The following PRAG1 variants were observed in gnomAD, a reference collection of about 807,000 sequenced individuals.
PRAG1 encodes PEAK1 related, kinase-activating pseudokinase 1.
PRAG1 carries 110 observed loss-of-function variants against 95.6 expected under a neutral mutation model. That is an observed-to-expected ratio of 1.15 (90% CI 0.99 to 1.35). PRAG1 has a LOEUF of 1.35. PRAG1 is among the 40% of genes most tolerant of loss of function. The pLI, the probability that PRAG1 is intolerant of heterozygous loss-of-function variation, is 0.00. For synonymous variants in PRAG1, 1,052 were observed against 819.4 expected, an observed-to-expected ratio of 1.28 and a Z score of -4.85; for missense variants, 2,554 against 1,864.7, an observed-to-expected ratio of 1.37 and a Z score of -6.81.
rs762235600 is a variant in PRAG1 at position 8,376,303 on chromosome 8, G to C, written c.2106C>G (p.Pro702=). Residue 702 remains proline (P), a synonymous_variant, in exon 3 of 6, where the codon CCC becomes CCG. Transcript: ENST00000615670. ...SKSASFAFEF[P]KDRSGIETFS... ...ATGTCTCAATCCCACTTCTGTCCTT[G>C]GGGAACTCAAAGGCAAAAGAGGCGG... The C allele has an allele frequency of 6.2e-6, 10 of 1,614,186 alleles. No individual in the cohort carries two copies. The South Asian group carries it at 9.9e-5, about 16-fold the overall frequency.
In PRAG1 at chr8:8,318,768, C is replaced by T; in HGVS notation, c.3607G>A (p.Gly1203Arg). The T allele has an allele frequency of 3.8e-6, 6 of 1,564,244 alleles. No individual in the cohort carries two copies. Among genetic ancestry groups the T allele is most frequent in the Non-Finnish European group, 4.3e-6 (5 of 1,154,214 alleles). Residue 1203 changes from glycine (G) to arginine (R), a missense_variant, in exon 6 of 6, where the codon GGG (glycine) becomes AGG (arginine). Transcript: ENST00000615670. The surrounding 1 kb of genome is among the most constrained non-coding windows in gnomAD (Gnocchi z 4.2). ...CGGGGCAGCTGCTTCTCCCGGGGCCCTTCCGGGGAGGCGGGGCCGGCTGCG... is the reference window on the plus strand; with the variant it reads ...CGGGGCAGCTGCTTCTCCCGGGGCCTTTCCGGGGAGGCGGGGCCGGCTGCG... ...SPAAGPASPEGPREKQLPRLI... is the reference protein window; with the variant it reads ...SPAAGPASPERPREKQLPRLI...
chr8:8,325,421 T>G (rs1798604555), intron 5 of PRAG1, among the ~76,000 whole-genome samples: 1 of 152,218 alleles, frequency 6.6e-6, no homozygotes, highest in Non-Finnish European at 1.5e-5. Context: ...GGCTCCTGTT[T>G]AGAGGGCTAA....
In PRAG1 at chr8:8,377,456, G is replaced by T. The variant is rs1259565338; in HGVS notation, c.953C>A (p.Ala318Asp). The T allele has an allele frequency of 1.3e-6, 2 of 1,551,772 alleles. No individual in the cohort carries two copies. Among genetic ancestry groups the T allele is most frequent in the South Asian group, 2.5e-5 (2 of 80,192 alleles). ...CTTGGGGCCCAGGCAGGATGGGTGG[G>T]CAGTGGGGCCCTGGCTACAGCACTC... ...PKECCSQGPT[A>D]HPSCLGPKKL... The change falls in exon 3 of 6, where the codon GCC (alanine) becomes GAC (aspartate). Residue 318 changes from alanine (A) to aspartate (D), a missense_variant. Physicochemically the swap from Ala to Asp is moderately radical, Grantham distance 126. Transcript: ENST00000615670.
chr8:8,344,299 A>C (rs1489161312), intron 3 of PRAG1, among the ~76,000 whole-genome samples: 2 of 152,258 alleles, frequency 1.3e-5, no homozygotes, highest in Non-Finnish European at 2.9e-5. Context: ...GCAGTAGAAA[A>C]AAATGAACTG....
chr8:8,352,755 T>A (rs2116871065), intron 3 of PRAG1, among the ~76,000 whole-genome samples: 1 of 152,356 alleles, frequency 6.6e-6, no homozygotes, highest in East Asian at 1.9e-4. Context: ...ATATTTGGTA[T>A]ACCTGTATGT....
chr8:8,359,131 T>TA (rs894073311), intron 3 of PRAG1, among the ~76,000 whole-genome samples: 1 of 152,332 alleles, frequency 6.6e-6, no homozygotes, highest in African/African-American at 2.4e-5. Context: ...TATTCCTTAA[T>TA]AAAAAAGGTA....
Position 8,319,200 on chromosome 8 carries a change from G to A in PRAG1, c.3175C>T (p.Pro1059Ser), listed in dbSNP as rs1314092693. 2 of 1,591,386 alleles carry A rather than the reference G, an allele frequency of 1.3e-6. No homozygotes were observed. The highest frequency in any genetic ancestry group is 1.3e-5 in the African/African-American group (1 of 74,514). Residue 1059 changes from proline to serine, a missense_variant, in exon 6 of 6, where the codon CCG (proline) becomes TCG (serine). Transcript: ENST00000615670. Reference sequence around the variant, plus strand: ...TCGGGGGAGCTGAGCATGCTGGACGGCACCGAGGCGACGAAGTGGCCGCAG... The same window carrying A: ...TCGGGGGAGCTGAGCATGCTGGACGACACCGAGGCGACGAAGTGGCCGCAG... The part of the protein sequence containing the change: ...QDCGHFVASV[P>S]SSMLSSPDAP...
chr8:8,345,146 C>T (rs1021909403), intron 3 of PRAG1, among the ~76,000 whole-genome samples: 1 of 147,554 alleles, frequency 6.8e-6, no homozygotes, highest in Non-Finnish European at 1.5e-5. Context: ...AGTTTCTAAG[C>T]CACAAGTGGA....
intron 5 of PRAG1, among the ~76,000 whole-genome samples, chr8:8,324,561 C>A (rs573941291): frequency 6.6e-6 from 1 of 152,148 alleles, no homozygotes; most frequent in Admixed American, 6.5e-5. Flanking sequence ...TCTCCATCTC[C>A]ATCTCCCTAC....
chr8:8,355,304 A>G (rs1799647893), intron 3 of PRAG1, among the ~76,000 whole-genome samples: 1 of 152,194 alleles, frequency 6.6e-6, no homozygotes. Flanking sequence ...TTCATGGATC[A>G]GAAGAATTAA....
At chr8:8,334,262 C>A (rs967377358) in intron 4 of PRAG1, among the ~76,000 whole-genome samples, 1 of 151,950 alleles carries the variant, frequency 6.6e-6, no homozygotes, top group South Asian at 2.1e-4. Flanking sequence ...CATGGTGAAA[C>A]CCTGTCTCTA....
chr8:8,372,492 G>T (rs1420347902), intron 3 of PRAG1, among the ~76,000 whole-genome samples: 1 of 152,240 alleles, frequency 6.6e-6, no homozygotes, highest in Non-Finnish European at 1.5e-5. Context: ...CTTAGTAAGT[G>T]TGACTTTGTG....
At chr8:8,373,582 T>C (rs967368443) in intron 3 of PRAG1, among the ~76,000 whole-genome samples, 1 of 151,866 alleles carries the variant, frequency 6.6e-6, no homozygotes, top group Non-Finnish European at 1.5e-5. Flanking sequence ...CCAGAGAAGC[T>C]GGGATGACAG....
At chr8:8,346,006 G>A (rs1329856356) in intron 3 of PRAG1, among the ~76,000 whole-genome samples, 2 of 152,136 alleles carry the variant, frequency 1.3e-5, no homozygotes, top group African/African-American at 4.8e-5. Context: ...TCTTTACACT[G>A]TGTGTAAAAT....
At chr8:8,319,607 G>A (rs1006246116) in intron 5 of PRAG1, among the ~76,000 whole-genome samples, 2 of 152,162 alleles carry the variant, frequency 1.3e-5, no homozygotes, top group African/African-American at 4.8e-5. Context: ...GGAAAGACAA[G>A]TAATAGACTG....
At chr8:8,380,989 G>T (rs950247265) in intron 2 of PRAG1, among the ~76,000 whole-genome samples, 8 of 152,074 alleles carry the variant, frequency 5.3e-5, no homozygotes, top group African/African-American at 1.9e-4. Flanking sequence ...ATAGGGAAGG[G>T]GGTCAGTGTG....
chr8:8,366,549 G>C (rs1279733001), intron 3 of PRAG1, among the ~76,000 whole-genome samples: 3 of 151,414 alleles, frequency 2.0e-5, no homozygotes, highest in Admixed American at 6.6e-5. Flanking sequence ...CCTGACCTCA[G>C]ATGATCCTCC....
chr8:8,337,775 C>G (rs767133633), intron 4 of PRAG1, among the ~76,000 whole-genome samples: 1 of 152,120 alleles, frequency 6.6e-6, no homozygotes, highest in Non-Finnish European at 1.5e-5. Flanking sequence ...TAGGTTTCCC[C>G]GTTGAACTCG....
At chr8:8,330,229 G>A (rs1458743709) in intron 4 of PRAG1, among the ~76,000 whole-genome samples, 1 of 152,186 alleles carries the variant, frequency 6.6e-6, no homozygotes, top group Non-Finnish European at 1.5e-5. Flanking sequence ...AGCTGGGCGT[G>A]GTGGTGCATG....
Sources: gnomAD v4.1 joint callset for allele counts (sites outside exome capture counted in the v4.1 genomes callset) on GRCh38, gnomAD v4.1.1 for gene constraint, Gnocchi (gnomAD v3.1) non-coding constraint, MANE v1.5 for transcripts, NCBI Gene and HGNC (gene_info 2026-07-23, HGNC 2026-07-21) for gene names.